The following SEMA6D variants were observed in gnomAD, a reference collection of about 807,000 sequenced individuals.
SEMA6D encodes semaphorin 6D.
Under a neutral mutation model 106.6 loss-of-function variants are expected in SEMA6D, and 35 were observed. The observed-to-expected ratio is 0.33, with a 90% CI of 0.25 to 0.44. SEMA6D has a LOEUF of 0.44. Among genes scored for constraint, SEMA6D ranks in the 20% least tolerant of loss-of-function variants. The pLI, the probability that SEMA6D is intolerant of heterozygous loss-of-function variation, is 1.00. For synonymous variants in SEMA6D, 499 were observed against 487.7 expected (o/e 1.02, Z -0.31); for missense variants, 1,185 against 1,345.9 (o/e 0.88, Z 1.87).
intron 1 of SEMA6D, among the ~76,000 whole-genome samples, chr15:47,227,447 T>TTTC (rs368650431): frequency 1.0e-3 from 59 of 58,418 alleles, no homozygotes; most frequent in African/African-American, 4.6e-3. Context: ...CTTTTCTTTC[T>TTTC]TTTCTTTCTT....
intron 3 of SEMA6D, among the ~76,000 whole-genome samples, chr15:47,582,235 C>T (rs755616018): frequency 1.3e-5 from 2 of 152,118 alleles, no homozygotes; most frequent in Non-Finnish European, 2.9e-5. Context: ...ATGCAGTCAG[C>T]GGATGTCCAG....
chr15:47,772,331 C>T lies in SEMA6D; in HGVS notation c.*546C>T. On this transcript the variant is annotated 3_prime_UTR_variant, in exon 19 of 19. Transcript: ENST00000536845. ...TTTCATGTGTGGCATCTTTTTCATG[C>T]CACCAACAAACTTGTTGTGTGTGTG... The T allele has an allele frequency of 6.9e-6, 1 of 145,938 alleles. No homozygotes were observed. The highest frequency in any genetic ancestry group is 6.5e-5 in the Admixed American group (1 of 15,346). The allele number at this position is 145,938 out of a possible 1,614,324, so 9.0% of individuals were successfully genotyped here.
intron 1 of SEMA6D, among the ~76,000 whole-genome samples, chr15:47,291,112 G>A (rs1248019829): frequency 1.3e-5 from 2 of 152,036 alleles, no homozygotes; most frequent in East Asian, 3.9e-4. Context: ...TATCCAACTT[G>A]GATACTTAAT....
chr15:47,612,501 G>C (rs1436771521), intron 4 of SEMA6D, among the ~76,000 whole-genome samples: 1 of 152,104 alleles, frequency 6.6e-6, no homozygotes, highest in African/African-American at 2.4e-5. Flanking sequence ...GATGCCATGA[G>C]GGCTAAGGTT....
chr15:47,614,988 C>T (rs2076980360), intron 4 of SEMA6D, among the ~76,000 whole-genome samples: 2 of 152,156 alleles, frequency 1.3e-5, no homozygotes. Flanking sequence ...TCAACAGATA[C>T]ATTTCTCAAG....
intron 4 of SEMA6D, among the ~76,000 whole-genome samples, chr15:47,707,022 G>T (rs977281408): frequency 6.6e-6 from 1 of 152,098 alleles, no homozygotes; most frequent in Non-Finnish European, 1.5e-5. Flanking sequence ...CATTTCAGGG[G>T]TTTTTTTGTA....
chr15:47,247,622 A>G (rs896597404), intron 1 of SEMA6D, among the ~76,000 whole-genome samples: 2 of 151,996 alleles, frequency 1.3e-5, no homozygotes, highest in Non-Finnish European at 2.9e-5. Flanking sequence ...TTGTTTTCTT[A>G]TCTATCTATC....
intron 4 of SEMA6D, among the ~76,000 whole-genome samples, chr15:47,619,282 G>C (rs937995778): frequency 2.0e-5 from 3 of 152,194 alleles, no homozygotes; most frequent in Non-Finnish European, 4.4e-5. Context: ...GTGGAGGAGA[G>C]CATTATATTC....
Position 47,760,309 on chromosome 15 carries a change from A to C in SEMA6D, c.115A>C (p.Arg39=). The C allele has an allele frequency of 6.2e-7, 1 of 1,612,704 alleles. No homozygotes were observed. The highest frequency in any genetic ancestry group is 8.5e-7 in the Non-Finnish European group (1 of 1,178,972). The change falls in exon 3 of 19, where the codon AGG becomes CGG. Residue 39 remains arginine, a synonymous_variant. Transcript: ENST00000536845. ...TAGCCCATTTTTACTTGCAGATTCA[A>C]GGCAATATCCGGTTTTTAGAGGACG... ...PLNTVDYHYS[R]QYPVFRGRPS...
intron 1 of SEMA6D, among the ~76,000 whole-genome samples, chr15:47,735,635 A>T (rs1028535901): frequency 5.9e-5 from 9 of 152,186 alleles, no homozygotes; most frequent in Admixed American, 5.2e-4. Flanking sequence ...TTCTGCTTGA[A>T]GCTGTCATTT....
chr15:47,555,714 G>A (rs184822910), intron 3 of SEMA6D, among the ~76,000 whole-genome samples: 5 of 152,146 alleles, frequency 3.3e-5, no homozygotes, highest in African/African-American at 1.2e-4. Context: ...TTTCTACTTA[G>A]TAGACCATAT....
intron 1 of SEMA6D, among the ~76,000 whole-genome samples, chr15:47,313,454 T>TGA (rs1566990539): frequency 1.3e-5 from 2 of 152,214 alleles, no homozygotes; most frequent in Non-Finnish European, 2.9e-5. Flanking sequence ...TTGATAGCTA[T>TGA]TTTTTAGTGC....
chr15:47,723,041 G>A (rs920989116), intron 1 of SEMA6D, among the ~76,000 whole-genome samples: 6 of 152,010 alleles, frequency 3.9e-5, no homozygotes, highest in African/African-American at 7.2e-5. Context: ...CCACTGCACC[G>A]GATTGCTTCC....
At chr15:47,264,353 T>TTA (rs201080850) in intron 1 of SEMA6D, among the ~76,000 whole-genome samples, 1 of 151,770 alleles carries the variant, frequency 6.6e-6, no homozygotes, top group Non-Finnish European at 1.5e-5. Context: ...TTTTTTTTTT[T>TTA]AAATATTGTG....
At chr15:47,675,287 A>G (rs2078220306) in intron 4 of SEMA6D, among the ~76,000 whole-genome samples, 1 of 152,164 alleles carries the variant, frequency 6.6e-6, no homozygotes, top group Non-Finnish European at 1.5e-5. Context: ...GAATGTGACC[A>G]TATTTGGAGA....
Position 47,768,607 on chromosome 15 carries a change from A to G in SEMA6D, c.1792A>G (p.Thr598Ala), listed in dbSNP as rs2082470080. The change falls in exon 18 of 19, where the codon ACC (threonine) becomes GCC (alanine). Residue 598 changes from threonine to alanine, a missense_variant. Thr to Ala is a moderately conservative substitution (Grantham distance 58). Transcript: ENST00000536845. ...CATGGAGGTATCTTCATCTTCTGTT[A>G]CCACAATGGCAAGTATCCCAGAAAT... ...SDMEVSSSSV[T>A]TMASIPEITP... is the part of the protein sequence containing the mutation. 6.2e-7 allele frequency: 1 copy of G among 1,612,684 alleles called. No homozygotes were observed. Among genetic ancestry groups the G allele is most frequent in the African/African-American group, 1.3e-5 (1 of 74,894 alleles).
At chr15:47,693,428 TG>T (rs60919991) in intron 4 of SEMA6D, among the ~76,000 whole-genome samples, 4,911 of 152,214 alleles carry the variant, frequency 0.032, 249 homozygotes, top group African/African-American at 0.11. Flanking sequence ...CTAATATAAT[TG>T]TTTATAACCT....
At chr15:47,611,771 A>G (rs1030422404) in intron 4 of SEMA6D, among the ~76,000 whole-genome samples, 1 of 152,240 alleles carries the variant, frequency 6.6e-6, no homozygotes, top group Admixed American at 6.5e-5. Context: ...AGCTTATCCC[A>G]TAAGAGCCAC....
intron 1 of SEMA6D, among the ~76,000 whole-genome samples, chr15:47,392,490 A>AT (rs1291442593): frequency 7.2e-6 from 1 of 139,228 alleles, no homozygotes; most frequent in Non-Finnish European, 1.5e-5. Flanking sequence ...TGAGTATGCT[A>AT]TGCTGCTGGC....
Sources: allele counts gnomAD v4.1 joint callset (sites outside exome capture counted in the v4.1 genomes callset), GRCh38; gene constraint gnomAD v4.1.1; transcripts MANE v1.5; gene names NCBI Gene and HGNC (gene_info 2026-07-23, HGNC 2026-07-21).